The following NOTCH3 variants were observed in gnomAD, a reference collection of about 807,000 sequenced individuals.
NOTCH3 encodes notch receptor 3, also known as neurogenic locus notch homolog protein 3.
A neutral mutation model predicts 213.3 loss-of-function variants in NOTCH3; 86 were observed. That is an observed-to-expected ratio of 0.40 (90% CI 0.34 to 0.48). The LOEUF (loss-of-function observed/expected upper bound fraction) is 0.48, where lower values mean the gene tolerates loss of function less well. Ranked by LOEUF, NOTCH3 falls within the 20% of genes least tolerant of loss-of-function variation. The pLI, the probability that NOTCH3 is intolerant of heterozygous loss-of-function variation, is 0.57. For synonymous variants in NOTCH3, 1,354 were observed against 1,355.9 expected, an observed-to-expected ratio of 1.00 and a Z score of 0.03; for missense variants, 2,783 against 3,272.6, an observed-to-expected ratio of 0.85 and a Z score of 3.65.
chr19:15,167,433 A>G (rs545570523), intron 28 of NOTCH3, 22 bp from the exon 29 acceptor site: 13 of 1,599,572 alleles, frequency 8.1e-6, no homozygotes, highest in Non-Finnish European at 1.1e-5. Flanking sequence ...GGCACCCTGG[A>G]TCTCAGATCT....
rs1349912371 is a variant in NOTCH3 at position 15,165,188 on chromosome 19, C to T, written c.5815+180G>A. On this transcript the variant is annotated intron_variant, in intron 31 of 32. Coordinates refer to ENST00000263388, the MANE Select transcript of NOTCH3 (RefSeq NM_000435.3). This position sits in a 1 kb window ranked among gnomAD's most constrained non-coding sequence, Gnocchi z 4.7. The stretch of plus-strand genomic sequence containing the variant: ...GGGAAAGGCACCTTTTTCTAAATCC[C>T]TGAGGCACCCTAAGGACTAGTGGTG... Among the ~76,000 whole-genome samples the T allele has an allele frequency of 1.3e-5, 2 of 152,160 alleles. No individual in the cohort carries two copies. The highest frequency in any genetic ancestry group is 6.5e-5 in the Admixed American group (1 of 15,274).
chr19:15,175,475 AG>A (rs2046779635), intron 24 of NOTCH3, among the ~76,000 whole-genome samples: 2 of 145,270 alleles, frequency 1.4e-5, no homozygotes, highest in African/African-American at 5.1e-5. Context: ...TGGAGGTTGC[AG>A]TGAGCCAAGA....
intron 27 of NOTCH3, 44 bp from the exon 28 acceptor site, chr19:15,170,214 G>A (rs2046720120): frequency 1.3e-6 from 2 of 1,522,698 alleles, no homozygotes; most frequent in Non-Finnish European, 9.1e-7. Context: ...GACACTAGAG[G>A]TGTCCAGCTG....
At position 15,159,854 on chromosome 19, in the gene NOTCH3, C is replaced by T. The variant is rs1044116; in HGVS notation, c.*808G>A. ...TTGTAGTCCCACATTTACAGGGACA[C>T]AAAGGAATGCATACATCTGCCCTGG... On this transcript the variant is annotated 3_prime_UTR_variant, in exon 33 of 33. Coordinates refer to ENST00000263388, the MANE Select transcript of NOTCH3 (RefSeq NM_000435.3). 162,431 of 233,580 alleles carry T rather than the reference C, an allele frequency of 0.7. 57,716 individuals carry two copies. The highest frequency in any genetic ancestry group is 0.77 in the Non-Finnish European group (90,722 of 118,026). The allele number at this position is 233,580 out of a possible 1,614,324, so 14.5% of individuals were successfully genotyped here.
rs137852642 is a variant in NOTCH3 at position 15,192,242 on chromosome 19, G to A, written c.397C>T (p.Arg133Cys). ...CLSSPCAHGA[R>C]CSVGPDGRFL... ...CGTCCATCGGGCCCCACTGAGCAGC[G>A]GGCACCGTGGGCACAAGGGCTGCTG... The change falls in exon 4 of 33, where the codon CGC becomes TGC. Residue 133 changes from arginine (R) to cysteine (C), a missense_variant. Around this residue, in one of 6 missense-constraint regions of NOTCH3, gnomAD observed 708 missense variants for 906.6 expected, o/e 0.78. Transcript: ENST00000263388. The A allele has an allele frequency of 1.9e-6, 3 of 1,602,300 alleles. No homozygotes were observed. Among genetic ancestry groups the A allele is most frequent in the Non-Finnish European group, 8.5e-7 (1 of 1,175,002 alleles).
rs114457076 is a variant in NOTCH3, at chr19:15,191,979, G to A, written c.660C>T (p.Tyr220=). The A allele has an allele frequency of 1.4e-3, 2,253 of 1,613,456 alleles. 20 individuals are homozygous for A. In the Middle Eastern group the frequency reaches 0.022, roughly 16 times the overall value. The stretch of plus-strand genomic sequence containing the variant: ...ACTCACCAGGAAGACAGGCACAGTC[G>A]TAAGTGAGGTCGCCACTCTGCCTGC... The part of the protein sequence containing the change: ...GTCRQSGDLT[Y]DCACLPGFEG... The change falls in exon 4 of 33, where the codon TAC becomes TAT. Residue 220 remains tyrosine (Y), a synonymous_variant. Transcript: ENST00000263388.
At chr19:15,172,937 G>A (rs1599371906) in intron 25 of NOTCH3, among the ~76,000 whole-genome samples, 2 of 149,446 alleles carry the variant, frequency 1.3e-5, no homozygotes, top group South Asian at 2.1e-4. Flanking sequence ...GATTACAGGC[G>A]TGAGCCACCG....
chr19:15,184,306 T>C lies in NOTCH3; in HGVS notation c.2555A>G (p.Asp852Gly). The change falls in exon 16 of 33, where the codon GAC becomes GGC. Residue 852 changes from aspartate (D) to glycine (G), a missense_variant. Physicochemically the swap from Asp to Gly is moderately conservative, Grantham distance 94. Coordinates refer to ENST00000263388, the MANE Select transcript of NOTCH3 (RefSeq NM_000435.3). ...TCCCCTGCACTCACTGGGGTCACAG[T>C]CATTGATGTCCTGATCGCAGGAAGG... ...TGPSCDQDIN[D>G]CDPNPCLNGG... 1 of 1,613,834 alleles carries C rather than the reference T, an allele frequency of 6.2e-7. No homozygotes were observed. The highest frequency in any genetic ancestry group is 8.5e-7 in the Non-Finnish European group (1 of 1,179,998).
At chr19:15,193,507 C>G (rs1305686537) in intron 2 of NOTCH3, among the ~76,000 whole-genome samples, 3 of 152,092 alleles carry the variant, frequency 2.0e-5, no homozygotes, top group Non-Finnish European at 4.4e-5. Flanking sequence ...CGGCTCACAA[C>G]TGTAATCCCA....
At position 15,180,747 on chromosome 19, in the gene NOTCH3, G is replaced by A. The variant is rs755326021; in HGVS notation, c.3076C>T (p.Pro1026Ser). Residue 1026 changes from proline to serine, a missense_variant, in exon 19 of 33, where the codon CCT becomes TCT. By Grantham distance (74) the Pro-to-Ser change is moderately conservative. Around this residue, in one of 6 missense-constraint regions of NOTCH3, gnomAD observed 861 missense variants for 909.1 expected, o/e 0.95. Transcript: ENST00000263388. The stretch of plus-strand genomic sequence containing the variant: ...TCACAGAGGCGTCCGCTCCATCCAG[G>A]GGGACAAAGGCAATAGGCCCCAGTC... ...VQTGAYCLCP[P>S]GWSGRLCDIR... 1 of 1,591,538 alleles carries A rather than the reference G, an allele frequency of 6.3e-7. No individual in the cohort carries two copies. The highest frequency in any genetic ancestry group is 8.5e-7 in the Non-Finnish European group (1 of 1,169,904).
At chr19:15,167,218 G>A (rs2145394416) in intron 29 of NOTCH3, 31 bp downstream of exon 29, 3 of 1,604,026 alleles carry the variant, frequency 1.9e-6, no homozygotes, top group Non-Finnish European at 2.6e-6. Flanking sequence ...TGGGTGAGGG[G>A]CATCCCTTTG....
rs1259941024 is a variant in NOTCH3, at chr19:15,200,801, C to A, written c.105G>T (p.Gly35=). 7.8e-7 allele frequency: 1 copy of A among 1,274,646 alleles called. No homozygotes were observed. The allele number at this position is 1,274,646 out of a possible 1,614,324, so 79.0% of individuals were successfully genotyped here. A position where few individuals can be genotyped will look rare whatever the true frequency, so the allele number is the denominator to read the frequency against. ...CCGGCCCCTCACCTGCAGCCCCCGG[C>A]CCCGCTAGCAGCAGCAGCAGGGGCA... ...RALPLLLLLA[G]PGAAAPPCLD... The change falls in exon 1 of 33, where the codon GGG becomes GGT. Residue 35 remains glycine (G), a synonymous_variant. Transcript: ENST00000263388.
chr19:15,191,883 G>A lies in NOTCH3; in HGVS notation c.680-16C>T, dbSNP rs765430257. ...CCCTCAAACCCTAGCAGGGAAGGGG[G>A]CAAGGATGGTCACCGCCGGGCTGGC... On this transcript the variant is annotated splice_polypyrimidine_tract_variant and intron_variant, in intron 4 of 32. Coordinates refer to ENST00000263388, the MANE Select transcript of NOTCH3 (RefSeq NM_000435.3). The A allele has an allele frequency of 4.0e-5, 65 of 1,613,802 alleles. No homozygotes were observed. Among genetic ancestry groups the A allele is most frequent in the Middle Eastern group, 1.6e-4 (1 of 6,084 alleles).
Position 15,178,813 on chromosome 19 carries a change from C to A in NOTCH3, c.3837+10G>T, listed in dbSNP as rs1555727565. On this transcript the variant is annotated intron_variant, in intron 23 of 32. Coordinates refer to ENST00000263388, the MANE Select transcript of NOTCH3 (RefSeq NM_000435.3). ...CTACTCCTCCTCCAAAGGCCGCCACCCACACCTACCTGGGCACAGTGACAG... is the reference window on the plus strand; with the variant it reads ...CTACTCCTCCTCCAAAGGCCGCCACACACACCTACCTGGGCACAGTGACAG... 1 of 1,583,316 alleles carries A rather than the reference C, an allele frequency of 6.3e-7. No individual in the cohort carries two copies.
At chr19:15,198,772 G>A (rs2046988694) in intron 1 of NOTCH3, among the ~76,000 whole-genome samples, 1 of 151,824 alleles carries the variant, frequency 6.6e-6, no homozygotes, top group African/African-American at 2.4e-5. Context: ...TTAGCTGGGT[G>A]TGGTGGCGCA....
rs72992083 is a variant in NOTCH3, at chr19:15,181,805, C to T, written c.2567-4G>A. On this transcript the variant is annotated splice_polypyrimidine_tract_variant and splice_region_variant and intron_variant, in intron 16 of 32. Transcript: ENST00000263388. ...GAGCCACCGTTCAGGCATGGGTCTG[C>T]GGACAGGAGGAAGGCGGTCTGGTCA... 52 of 1,552,622 alleles carry T rather than the reference C, an allele frequency of 3.3e-5. No homozygotes were observed. Among genetic ancestry groups the T allele is most frequent in the East Asian group, 1.7e-4 (7 of 41,336 alleles).
rs540867011 is a variant in NOTCH3 at position 15,172,315 on chromosome 19, A to T, written c.4737-1490T>A. On this transcript the variant is annotated intron_variant, in intron 25 of 32. Transcript: ENST00000263388. ...AGTCCCTCTCATGGCTTCAATGATCATCAACACTTTTATATCTTTCTTGTT... is the reference window on the plus strand; with the variant it reads ...AGTCCCTCTCATGGCTTCAATGATCTTCAACACTTTTATATCTTTCTTGTT... Among the ~76,000 whole-genome samples, 6 of 152,156 alleles carry T rather than the reference A, an allele frequency of 3.9e-5. No homozygotes were observed. The East Asian group carries it at 7.7e-4, about 20-fold the overall frequency.
At chr19:15,199,659 G>A (rs535004602) in intron 1 of NOTCH3, among the ~76,000 whole-genome samples, 103 of 152,304 alleles carry the variant, frequency 6.8e-4, no homozygotes, top group Non-Finnish European at 1.3e-3. Flanking sequence ...TCTCTGTTAC[G>A]TGACCTAGAG....
In NOTCH3 at chr19:15,192,010, C is replaced by T. The variant is rs2145441344; in HGVS notation, c.629G>A (p.Gly210Asp). The T allele has an allele frequency of 1.2e-6, 2 of 1,613,202 alleles. No homozygotes were observed. The highest frequency in any genetic ancestry group is 1.3e-5 in the African/African-American group (1 of 75,062). ...PCAPSPCRNG[G>D]TCRQSGDLTY... ...GAGGTCGCCACTCTGCCTGCAGGTG[C>T]CCCCGTTACGGCATGGTGAGGGTGC... Residue 210 changes from glycine to aspartate, a missense_variant, in exon 4 of 33, where the codon GGC becomes GAC. By Grantham distance (94) the Gly-to-Asp change is moderately conservative. Transcript: ENST00000263388.
Sources: allele counts gnomAD v4.1 joint callset (sites outside exome capture counted in the v4.1 genomes callset), GRCh38; gene constraint gnomAD v4.1.1; regional missense constraint gnomAD v4.1.1; non-coding constraint Gnocchi (gnomAD v3.1); transcripts MANE v1.5; gene names NCBI Gene and HGNC (gene_info 2026-07-23, HGNC 2026-07-21).